The following VPS37B variants were observed in gnomAD, a reference collection of about 807,000 sequenced individuals.
The protein encoded by VPS37B is VPS37B subunit of ESCRT-I, also known as vacuolar protein sorting-associated protein 37B.
VPS37B carries 11 observed loss-of-function variants against 21.2 expected under a neutral mutation model. The observed-to-expected ratio is 0.52, with a 90% CI of 0.33 to 0.86. The LOEUF (loss-of-function observed/expected upper bound fraction) is 0.86. Ranked by LOEUF, VPS37B falls within the 40% of genes least tolerant of loss-of-function variation. VPS37B has a pLI of 0.03. For synonymous variants in VPS37B, 175 were observed against 159.6 expected (o/e 1.10, Z -0.73); for missense variants, 389 against 374.8 (o/e 1.04, Z -0.31).
chr12:122,875,628 G>T, intron 1 of VPS37B: 1 of 151,974 alleles, frequency 6.6e-6, no homozygotes, highest in African/African-American at 2.4e-5. Flanking sequence ...CAACAGCTTT[G>T]TTCATTTGCA....
chr12:122,885,923 T>A (rs1295278860), intron 1 of VPS37B: 1 of 151,732 alleles, frequency 6.6e-6, no homozygotes, highest in East Asian at 1.9e-4. Context: ...GACCTCATGA[T>A]CCGCCCGCCT....
intron 1 of VPS37B, chr12:122,887,417 C>G (rs570085471): frequency 6.6e-6 from 1 of 152,514 alleles, no homozygotes; most frequent in East Asian, 1.9e-4. Context: ...GCCTCAGCCC[C>G]CACTACACCC....
intron 1 of VPS37B, chr12:122,883,621 A>C (rs1427948792): frequency 6.6e-6 from 1 of 152,288 alleles, no homozygotes; most frequent in African/African-American, 2.4e-5. Context: ...CTGAGACTAC[A>C]GGTGTGCACC....
At chr12:122,869,033 T>A (rs2033967326) in intron 2 of VPS37B, among the ~76,000 whole-genome samples, 1 of 152,090 alleles carries the variant, frequency 6.6e-6, no homozygotes, top group Non-Finnish European at 1.5e-5. Flanking sequence ...TGACTCCACA[T>A]CCTGGAATCA....
intron 1 of VPS37B, chr12:122,884,796 T>C (rs771118970): frequency 2.0e-5 from 3 of 151,790 alleles, no homozygotes; most frequent in African/African-American, 7.3e-5. Context: ...TGTTTGTTTT[T>C]TCCCCCTCAT....
At position 122,867,635 on chromosome 12, in the gene VPS37B, G is replaced by A; in HGVS notation, c.367-28C>T. On this transcript the variant is annotated intron_variant, in intron 3 of 3. Transcript: ENST00000267202. This position sits in a 1 kb window ranked among gnomAD's most constrained non-coding sequence, Gnocchi z 5.5. ...GAAAGAGGCAGAAACCTGGTTACAG[G>A]GACAGCCAGATGGGGAGGATGCTCC... is the stretch of plus-strand genomic sequence containing the variant. 6.2e-7 allele frequency: 1 copy of A among 1,606,842 alleles called. No homozygotes were observed. The highest frequency in any genetic ancestry group is 1.1e-5 in the South Asian group (1 of 91,054).
intron 1 of VPS37B, among the ~76,000 whole-genome samples, chr12:122,891,798 C>A (rs561156446): frequency 1.6e-4 from 24 of 152,360 alleles, no homozygotes; most frequent in South Asian, 2.1e-4. Context: ...CAGCCCCCCA[C>A]ACAAATCACA....
At chr12:122,895,609 A>G (rs1460335804) in intron 1 of VPS37B, among the ~76,000 whole-genome samples, 2 of 151,560 alleles carry the variant, frequency 1.3e-5, no homozygotes, top group Non-Finnish European at 2.9e-5. Flanking sequence ...CTTCAGACCC[A>G]GCCTTAAGTC....
intron 1 of VPS37B, among the ~76,000 whole-genome samples, chr12:122,893,319 T>C (rs1304171934): frequency 6.6e-6 from 1 of 152,218 alleles, no homozygotes; most frequent in African/African-American, 2.4e-5. Context: ...TAGGTATTAC[T>C]GTCATATTAT....
At chr12:122,880,796 C>T (rs947069872) in intron 1 of VPS37B, 16 of 152,194 alleles carry the variant, frequency 1.1e-4, no homozygotes, top group African/African-American at 3.6e-4. Flanking sequence ...TTCATCTGTT[C>T]GTTCATTCAT....
Position 122,868,642 on chromosome 12 carries a change from G to T in VPS37B, c.284-80C>A. The T allele has an allele frequency of 8.2e-7, 1 of 1,223,490 alleles. No homozygotes were observed. Among genetic ancestry groups the T allele is most frequent in the Non-Finnish European group, 1.2e-6 (1 of 851,722 alleles). 75.8% of individuals were successfully genotyped at this position (1,223,490 alleles called of 1,614,324 possible). On this transcript the variant is annotated intron_variant, in intron 2 of 3. Coordinates refer to ENST00000267202, the MANE Select transcript of VPS37B (RefSeq NM_024667.3). The surrounding 1 kb of genome is among the most constrained non-coding windows in gnomAD (Gnocchi z 5.5). ...TCATGATGCCAACCACGGCAGGATT[G>T]CACCTTCCTTTCCAGGAAGCTGAAT...
intron 1 of VPS37B, chr12:122,872,053 C>A (rs2034049513): frequency 4.1e-6 from 4 of 985,300 alleles, no homozygotes; most frequent in Non-Finnish European, 4.8e-6. Flanking sequence ...CTCATTTTCC[C>A]CTTAATATTT....
intron 1 of VPS37B, chr12:122,872,953 G>A (rs892405017): frequency 6.5e-6 from 1 of 153,210 alleles, no homozygotes; most frequent in African/African-American, 2.4e-5. Flanking sequence ...AGCAGCAAAA[G>A]GAAGAAACTT....
chr12:122,878,888 G>A (rs1246298963), intron 1 of VPS37B: 1 of 152,198 alleles, frequency 6.6e-6, no homozygotes, highest in Non-Finnish European at 1.5e-5. Flanking sequence ...CTGGCCTCAA[G>A]TGATCTGCCC....
chr12:122,886,543 G>A (rs1206176270), intron 1 of VPS37B: 1 of 152,158 alleles, frequency 6.6e-6, no homozygotes, highest in Admixed American at 6.5e-5. Flanking sequence ...AGGCTGCAGT[G>A]AACTATGGTC....
Position 122,896,090 on chromosome 12 carries a change from G to T in VPS37B, c.-28C>A, listed in dbSNP as rs1198517912. 1 of 1,541,288 alleles carries T rather than the reference G, an allele frequency of 6.5e-7. No individual in the cohort carries two copies. Among genetic ancestry groups the T allele is most frequent in the Non-Finnish European group, 8.7e-7 (1 of 1,152,194 alleles). On this transcript the variant is annotated 5_prime_UTR_variant, in exon 1 of 4. Transcript: ENST00000267202. ...CCACGTCTCGGCCGTCGTCGCCACC[G>T]CCGCTGCGGCCACCAGGCTCCGCCG...
Position 122,870,919 on chromosome 12 carries a change from T to C in VPS37B, c.254A>G (p.Glu85Gly). The C allele has an allele frequency of 6.2e-7, 1 of 1,614,144 alleles. No homozygotes were observed. Among genetic ancestry groups the C allele is most frequent in the Non-Finnish European group, 8.5e-7 (1 of 1,180,014 alleles). Reference sequence around the variant, plus strand: ...TTTGGTCTTCTTTATCTGATAGGCTTCAAAGAGAACCTGGAGTTCCTGGTA... The same window carrying C: ...TTTGGTCTTCTTTATCTGATAGGCTCCAAAGAGAACCTGGAGTTCCTGGTA... Reference protein sequence around the residue: ...QKYQELQVLFEAYQIKKTKLD... With the variant: ...QKYQELQVLFGAYQIKKTKLD... The change falls in exon 2 of 4, where the codon GAA (glutamate) becomes GGA (glycine). Residue 85 changes from glutamate (E) to glycine (G), a missense_variant. Physicochemically the swap from Glu to Gly is moderately conservative, Grantham distance 98. Transcript: ENST00000267202.
At chr12:122,877,189 G>A (rs2034166209) in intron 1 of VPS37B, 3 of 152,104 alleles carry the variant, frequency 2.0e-5, no homozygotes, top group Admixed American at 1.3e-4. Flanking sequence ...AATTCGTTTA[G>A]CAAACTTGAA....
Position 122,868,878 on chromosome 12 carries a change from G to A in VPS37B, c.284-316C>T, listed in dbSNP as rs1299782531. Among the ~76,000 whole-genome samples the A allele has an allele frequency of 6.6e-6, 1 of 152,214 alleles. No individual in the cohort carries two copies. The highest frequency in any genetic ancestry group is 1.5e-5 in the Non-Finnish European group (1 of 68,040). The stretch of plus-strand genomic sequence containing the variant: ...GAGTATACACATCTCAAGTGTGTAA[G>A]TCAAATTTCCACGTGTTTAACCGCC... On this transcript the variant is annotated intron_variant, in intron 2 of 3. Coordinates refer to ENST00000267202, the MANE Select transcript of VPS37B (RefSeq NM_024667.3). This position sits in a 1 kb window ranked among gnomAD's most constrained non-coding sequence, Gnocchi z 5.5.
Sources: gnomAD v4.1 joint callset for allele counts (sites outside exome capture counted in the v4.1 genomes callset) on GRCh38, gnomAD v4.1.1 for gene constraint, Gnocchi (gnomAD v3.1) non-coding constraint, MANE v1.5 for transcripts, NCBI Gene and HGNC (gene_info 2026-07-23, HGNC 2026-07-21) for gene names.